DNAH5: variants seen among roughly 807,000 people sequenced by gnomAD.
DNAH5 encodes axonemal beta dynein heavy chain 5.
DNAH5 carries 372 observed loss-of-function variants against 518.2 expected under a neutral mutation model. The observed-to-expected ratio is 0.72, with a 90% confidence interval of 0.66 to 0.78. The LOEUF is 0.78. Ranked by LOEUF, DNAH5 falls within the 30% of genes least tolerant of loss-of-function variation. The pLI is 0.00. For missense variants in DNAH5, 5,523 were observed against 5,687.0 expected, an observed-to-expected ratio of 0.97 and a Z score of 0.93; for synonymous variants, 2,039 against 2,025.9, an observed-to-expected ratio of 1.01 and a Z score of -0.17.
At chr5:13,873,049 C>T (rs1454997849) in intron 22 of DNAH5, among the ~76,000 whole-genome samples, 1 of 152,168 alleles carries the variant, frequency 6.6e-6, no homozygotes, top group Non-Finnish European at 1.5e-5. Context: ...AAATCCCTGA[C>T]TTGGCCACTA....
chr5:13,986,585 C>A (rs1453534293), intron 1 of DNAH5, among the ~76,000 whole-genome samples: 1 of 152,124 alleles, frequency 6.6e-6, no homozygotes, highest in Non-Finnish European at 1.5e-5. Context: ...AAGACAGGAA[C>A]AAGAATGATG....
rs751937045 is a variant in DNAH5, at chr5:13,769,609, A to G, written c.9612T>C (p.Asn3204=). 1.9e-6 allele frequency: 3 copies of G among 1,613,674 alleles called. No homozygotes were observed. The highest frequency in any genetic ancestry group is 2.5e-6 in the Non-Finnish European group (3 of 1,179,626). The change falls in exon 57 of 79, where the codon AAT becomes AAC. Residue 3204 remains asparagine (N), a synonymous_variant. Coordinates refer to ENST00000265104, the MANE Select transcript of DNAH5 (RefSeq NM_001369.3). ...CTTCTTTGAGCTTTTCCAATCCAGT[A>G]TTCATTCTGGGATTGAAAATCCAAG... ...VEVRTLANRM[N]TGLEKLKEAS... is the part of the protein sequence containing the mutation.
At chr5:13,792,527 T>C (rs1367404683) in intron 49 of DNAH5, among the ~76,000 whole-genome samples, 1 of 152,222 alleles carries the variant, frequency 6.6e-6, no homozygotes, top group Non-Finnish European at 1.5e-5. Context: ...TACCTTATAA[T>C]AAGATAAGAA....
intron 1 of DNAH5, among the ~76,000 whole-genome samples, chr5:13,985,333 C>T (rs1479138720): frequency 2.7e-5 from 4 of 150,498 alleles, no homozygotes; most frequent in African/African-American, 4.9e-5. Flanking sequence ...ATGTAAATGA[C>T]GAGTTAATGG....
rs772419948 is a variant in DNAH5 at position 13,769,067 on chromosome 5, C to T, written c.9790G>A (p.Asp3264Asn). 1 of 1,614,226 alleles carries T rather than the reference C, an allele frequency of 6.2e-7. No individual in the cohort carries two copies. Among genetic ancestry groups the T allele is most frequent in the Non-Finnish European group, 8.5e-7 (1 of 1,180,036 alleles). ...CTGTCCACAATGGCCTGGGCCCTGT[C>T]CTTCACCTTCTGTACCTCAGCCTTG... ...KVKAEVQKVK[D>N]RAQAIVDSIS... is the part of the protein sequence containing the mutation. The change falls in exon 58 of 79, where the codon GAC (aspartate) becomes AAC (asparagine). Residue 3264 changes from aspartate (D) to asparagine (N), a missense_variant. By Grantham distance (23) the Asp-to-Asn change is conservative (BLOSUM62 1). Around this residue, in one of 3 missense-constraint regions of DNAH5, gnomAD observed 5,121 missense variants for 5,223.3 expected, o/e 0.98. Coordinates refer to ENST00000265104, the MANE Select transcript of DNAH5 (RefSeq NM_001369.3).
intron 59 of DNAH5, 63 bp downstream of exon 59, chr5:13,765,913 A>G (rs550774945): frequency 1.8e-4 from 275 of 1,487,372 alleles, no homozygotes; most frequent in Admixed American, 2.3e-4. Context: ...TATTCTACGA[A>G]AAGGACTCAT....
At chr5:13,744,132 A>G (rs1358245298) in intron 65 of DNAH5, among the ~76,000 whole-genome samples, 1 of 152,044 alleles carries the variant, frequency 6.6e-6, no homozygotes, top group African/African-American at 2.4e-5. Flanking sequence ...ATACATACAC[A>G]ATGGAATACT....
rs1442439296 is a variant in DNAH5 at position 13,911,021 on chromosome 5, ATTTGCCTG to A, written c.1644+357_1644+364del. 2.0e-5 allele frequency among the ~76,000 whole-genome samples: 3 copies of A among 152,330 alleles called. No homozygotes were observed. The East Asian group carries it at 5.8e-4, about 29-fold the overall frequency. ...TGGAATCTGCCAGACATTGCTGACC[ATTTGCCTG>A]AGCTACCTCTGGTCATAATCATTGC... On this transcript the variant is annotated intron_variant, in intron 12 of 78. Transcript: ENST00000265104.
rs146530328 is a variant in DNAH5, at chr5:13,921,436, G to GTC, written c.660+669_660+670dup. On this transcript the variant is annotated intron_variant, in intron 5 of 78. Coordinates refer to ENST00000265104, the MANE Select transcript of DNAH5 (RefSeq NM_001369.3). ...CTTCTCTCTCTCTCCCTCTCTCTCTGTCTCTCTCTCTCTCTCTCTCTCTTG... is the reference window on the plus strand; with the variant it reads ...CTTCTCTCTCTCTCCCTCTCTCTCTGTCTCTCTCTCTCTCTCTCTCTCTCTTG... 5.1e-3 allele frequency among the ~76,000 whole-genome samples: 633 copies of GTC among 124,984 alleles called. 22 individuals carry two copies. Among genetic ancestry groups the GTC allele is most frequent in the East Asian group, 0.018 (79 of 4,354 alleles). The allele number at this position is 124,984 out of a possible 152,430, so 82.0% of individuals were successfully genotyped here.
intron 75 of DNAH5, 68 bp from the exon 76 acceptor site, chr5:13,708,403 T>C: frequency 6.6e-7 from 1 of 1,518,510 alleles, no homozygotes; most frequent in Non-Finnish European, 9.1e-7. Context: ...CCTGGTGCCC[T>C]GGGGCCTCTG....
chr5:13,721,118 T>A lies in DNAH5; in HGVS notation c.12161A>T (p.Asp4054Val), dbSNP rs760955406. 2 of 1,614,022 alleles carry A rather than the reference T, an allele frequency of 1.2e-6. No individual in the cohort carries two copies. Among genetic ancestry groups the A allele is most frequent in the Non-Finnish European group, 1.7e-6 (2 of 1,179,986 alleles). ...CAAGGCAATGATGGAATCTGTGGGG[T>A]CTGAGCCCATAGACAGGAGACAGAT... is the stretch of plus-strand genomic sequence containing the variant. ...PLICLLSMGS[D>V]PTDSIIALGK... is the part of the protein sequence containing the mutation. The change falls in exon 71 of 79, where the codon GAC (aspartate) becomes GTC (valine). Residue 4054 changes from aspartate to valine, a missense_variant. Physicochemically the swap from Asp to Val is radical, Grantham distance 152 (BLOSUM62 -3). Transcript: ENST00000265104.
At position 13,752,288 on chromosome 5, in the gene DNAH5, A is replaced by C; in HGVS notation, c.10874T>G (p.Ile3625Ser). 6.2e-7 allele frequency: 1 copy of C among 1,614,032 alleles called. No individual in the cohort carries two copies. The highest frequency in any genetic ancestry group is 8.5e-7 in the Non-Finnish European group (1 of 1,179,932). ...KNKESRNELQ[I>S]TSLNHKYFRN... Reference sequence around the variant, plus strand: ...GAAGTACTTGTGATTTAAAGACGTGATCTAGGAACAGGATCACAAGGTTGC... The same window carrying C: ...GAAGTACTTGTGATTTAAAGACGTGCTCTAGGAACAGGATCACAAGGTTGC... The change falls in exon 64 of 79, where the codon ATC becomes AGC. Residue 3625 changes from isoleucine to serine, a missense_variant and splice_region_variant. Physicochemically the swap from Ile to Ser is moderately radical, Grantham distance 142. This residue lies in a region of DNAH5 where 5,121 missense variants were observed against 5,223.3 expected (regional missense o/e 0.98). Coordinates refer to ENST00000265104, the MANE Select transcript of DNAH5 (RefSeq NM_001369.3).
intron 45 of DNAH5, among the ~76,000 whole-genome samples, chr5:13,809,480 AGAG>A (rs1306864394): frequency 3.9e-5 from 6 of 152,218 alleles, no homozygotes; most frequent in Non-Finnish European, 7.3e-5. Flanking sequence ...GAACAGAGTG[AGAG>A]TAGTGTGTAT....
chr5:13,996,237 T>C (rs1448878416), intron 1 of DNAH5, among the ~76,000 whole-genome samples: 1 of 152,160 alleles, frequency 6.6e-6, no homozygotes, highest in Admixed American at 6.5e-5. Flanking sequence ...CCTAATACTA[T>C]TATTGCACTG....
At chr5:13,715,226 C>T (rs946323203) in intron 74 of DNAH5, among the ~76,000 whole-genome samples, 5 of 152,182 alleles carry the variant, frequency 3.3e-5, no homozygotes, top group South Asian at 4.1e-4. Flanking sequence ...AGAAAATTTA[C>T]GGACAATTTG....
At chr5:13,936,172 C>T (rs1309572646) in intron 1 of DNAH5, among the ~76,000 whole-genome samples, 1 of 152,158 alleles carries the variant, frequency 6.6e-6, no homozygotes, top group African/African-American at 2.4e-5. Context: ...AGCTCTGACA[C>T]TAATTGCAAG....
chr5:13,811,729 T>C lies in DNAH5; in HGVS notation c.7325A>G (p.Asn2442Ser). 1 of 1,614,166 alleles carries C rather than the reference T, an allele frequency of 6.2e-7. No homozygotes were observed. Among genetic ancestry groups the C allele is most frequent in the Non-Finnish European group, 8.5e-7 (1 of 1,180,004 alleles). The change falls in exon 44 of 79, where the codon AAC (asparagine) becomes AGC (serine). Residue 2442 changes from asparagine (N) to serine (S), a missense_variant. By Grantham distance (46) the Asn-to-Ser change is conservative. This residue lies in a region of DNAH5 where 5,121 missense variants were observed against 5,223.3 expected (regional missense o/e 0.98). Transcript: ENST00000265104. ...CAGCACCTCCATCTTGTATTCTAAG[T>C]TCTGGATACAGAAGCGATACAAGTC... ...FPDLYRFCIQNLEYKMEVLEA... is the reference protein window; with the variant it reads ...FPDLYRFCIQSLEYKMEVLEA...
chr5:13,954,826 G>T (rs1325896677), intron 1 of DNAH5, among the ~76,000 whole-genome samples: 1 of 152,110 alleles, frequency 6.6e-6, no homozygotes, highest in African/African-American at 2.4e-5. Context: ...GGACATCTCT[G>T]ACTCTTTCTC....
At chr5:13,786,435 C>T (rs1326301225) in intron 51 of DNAH5, 84 bp from the exon 52 acceptor site, 2 of 1,309,988 alleles carry the variant, frequency 1.5e-6, no homozygotes, top group Admixed American at 3.5e-5. Context: ...CAAAGCTCTA[C>T]AACCTAACAC....
Sources: allele counts gnomAD v4.1 joint callset (sites outside exome capture counted in the v4.1 genomes callset), GRCh38; gene constraint gnomAD v4.1.1; regional missense constraint gnomAD v4.1.1; transcripts MANE v1.5; gene names NCBI Gene and HGNC (gene_info 2026-07-23, HGNC 2026-07-21).